The following PRKN variants were observed in gnomAD, a reference collection of about 807,000 sequenced individuals.
The protein encoded by PRKN is parkin RBR E3 ubiquitin protein ligase.
Under a neutral mutation model 59.5 loss-of-function variants are expected in PRKN, and 56 were observed. That is an observed-to-expected ratio of 0.94 (90% CI 0.76 to 1.18). PRKN has a LOEUF of 1.18. PRKN is among the 50% of genes most tolerant of loss of function. The probability of loss-of-function intolerance (pLI) is 0.00; values close to 1 mark genes in which losing one functional copy is unlikely to be tolerated. For missense variants in PRKN, 657 were observed against 596.4 expected (o/e 1.10, Z -1.06); for synonymous variants, 250 against 222.1 (o/e 1.13, Z -1.12).
chr6:162,271,076 T>A (rs6939604), intron 2 of PRKN, among the ~76,000 whole-genome samples: 6,957 of 148,000 alleles, frequency 0.047, 568 homozygotes, highest in African/African-American at 0.16. Flanking sequence ...CAGGCTGGTC[T>A]CAAATTCTCA....
In PRKN at chr6:162,556,344, TGTGTGTGTGTGTGTGTGTGTGTGTG is replaced by T. The variant is rs1779575119; in HGVS notation, c.8-112896_8-112872del. Among the ~76,000 whole-genome samples, 52 of 87,386 alleles carry T rather than the reference TGTGTGTGTGTGTGTGTGTGTGTGTG, an allele frequency of 6.0e-4. 1 individual carries two copies. The highest frequency in any genetic ancestry group is 1.8e-3 in the South Asian group (5 of 2,854). The allele number at this position is 87,386 out of a possible 152,430, so 57.3% of individuals were successfully genotyped here. A position where few individuals can be genotyped will look rare whatever the true frequency, so the allele number is the denominator to read the frequency against. The stretch of plus-strand genomic sequence containing the variant: ...AACCAAGCAGTAACTACTCAGCTGG[TGTGTGTGTGTGTGTGTGTGTGTGTG>T]TGTGTGTGTGTGTGTGTGTGTGTGT... On this transcript the variant is annotated intron_variant, in intron 1 of 11. Transcript: ENST00000366898.
At chr6:162,016,976 C>T (rs55708256) in intron 5 of PRKN, among the ~76,000 whole-genome samples, 3,898 of 152,236 alleles carry the variant, frequency 0.026, 174 homozygotes, top group African/African-American at 0.09. Context: ...TCCACTCAGT[C>T]AACTGTGTGT....
At chr6:162,689,839 C>G (rs1777704790) in intron 1 of PRKN, among the ~76,000 whole-genome samples, 1 of 152,168 alleles carries the variant, frequency 6.6e-6, no homozygotes, top group Non-Finnish European at 1.5e-5. Flanking sequence ...GAGTCTGCAG[C>G]CTGTGACTGC....
intron 2 of PRKN, among the ~76,000 whole-genome samples, chr6:162,364,376 G>A (rs768280785): frequency 1.2e-4 from 18 of 151,966 alleles, no homozygotes; most frequent in Admixed American, 3.9e-4. Context: ...GGAGACTTGC[G>A]CCTTCCAATT....
rs190361360 is a variant in PRKN, at chr6:161,908,368, C to T, written c.734+64934G>A. 1.1e-3 allele frequency among the ~76,000 whole-genome samples: 173 copies of T among 152,232 alleles called. 1 individual carries two copies. The highest frequency in any genetic ancestry group is 3.9e-3 in the African/African-American group (164 of 41,556). On this transcript the variant is annotated intron_variant, in intron 6 of 11. Transcript: ENST00000366898. ...TCACAGCAAATTCAACTGTATGTTC[C>T]TTCTCCTCTCCTGCCAGATTGCCAG...
chr6:162,075,794 C>T lies in PRKN; in HGVS notation c.535-21620G>A, dbSNP rs560804677. ...AGGCCCCCCAGTGAAACATTAAACA[C>T]GTATGTAACGAGCAGGCTTCCAATC... On this transcript the variant is annotated intron_variant, in intron 4 of 11. Transcript: ENST00000366898. Among the ~76,000 whole-genome samples, 37 of 152,106 alleles carry T rather than the reference C, an allele frequency of 2.4e-4. 2 individuals are homozygous for T. Among genetic ancestry groups the T allele is most frequent in the African/African-American group, 8.4e-4 (35 of 41,424 alleles).
intron 7 of PRKN, among the ~76,000 whole-genome samples, chr6:161,688,924 G>T (rs1457420457): frequency 6.6e-6 from 1 of 152,162 alleles, no homozygotes; most frequent in Non-Finnish European, 1.5e-5. Context: ...TCCGAGAAAT[G>T]ATTGCCAATT....
chr6:162,440,327 TA>T (rs1252480958), intron 2 of PRKN, among the ~76,000 whole-genome samples: 2 of 152,144 alleles, frequency 1.3e-5, no homozygotes, highest in Admixed American at 1.3e-4. Context: ...CTTTGCCAGT[TA>T]AATAGACAAA....
rs188974315 is a variant in PRKN, at chr6:162,106,037, A to C, written c.535-51863T>G. 1.5e-3 allele frequency among the ~76,000 whole-genome samples: 234 copies of C among 152,328 alleles called. 2 individuals carry two copies. The highest frequency in any genetic ancestry group is 2.4e-3 in the Non-Finnish European group (160 of 68,034). On this transcript the variant is annotated intron_variant, in intron 4 of 11. Transcript: ENST00000366898. ...ACTACATCTGACAGAATTTAGGAGG[A>C]GACAAAAAAGTGGTGAAAAATGTGG...
intron 5 of PRKN, among the ~76,000 whole-genome samples, chr6:162,045,346 T>A (rs1423454376): frequency 2.0e-5 from 3 of 152,232 alleles, no homozygotes; most frequent in Non-Finnish European, 4.4e-5. Context: ...TTGCGTAAGA[T>A]GATCACCACT....
intron 9 of PRKN, among the ~76,000 whole-genome samples, chr6:161,519,060 A>G (rs1295152034): frequency 6.6e-6 from 1 of 152,204 alleles, no homozygotes; most frequent in Non-Finnish European, 1.5e-5. Flanking sequence ...ACACCCAGAG[A>G]CAATAAGCCC....
chr6:162,253,686 A>G lies in PRKN; in HGVS notation c.412+8839T>C, dbSNP rs531358583. ...AGATTGTATTCATTTGTTAAATATG[A>G]GACACCACCAAAATTGTAATGATGC... On this transcript the variant is annotated intron_variant, in intron 3 of 11. Coordinates refer to ENST00000366898, the MANE Select transcript of PRKN (RefSeq NM_004562.3). Among the ~76,000 whole-genome samples the G allele has an allele frequency of 3.0e-3, 451 of 152,240 alleles. 2 individuals carry two copies. The highest frequency in any genetic ancestry group is 0.014 in the Middle Eastern group (4 of 292).
chr6:162,003,575 C>G (rs2128263944), intron 5 of PRKN, among the ~76,000 whole-genome samples: 1 of 152,200 alleles, frequency 6.6e-6, no homozygotes, highest in South Asian at 2.1e-4. Context: ...CTGAGTTCAA[C>G]TATGTCCTTA....
At chr6:162,673,787 G>A (rs976181176) in intron 1 of PRKN, among the ~76,000 whole-genome samples, 2 of 152,198 alleles carry the variant, frequency 1.3e-5, no homozygotes, top group South Asian at 2.1e-4. Context: ...CTGAGCTCAT[G>A]CCAACACTCA....
intron 2 of PRKN, among the ~76,000 whole-genome samples, chr6:162,347,205 T>TTGGATGCTTAGTTCACTA (rs1172993991): frequency 1.3e-5 from 2 of 151,696 alleles, no homozygotes; most frequent in Non-Finnish European, 2.9e-5. Flanking sequence ...TCTGACATCT[T>TTGGATGCTTAGTTCACTA]ATGTTGGATG....
chr6:162,143,639 T>A (rs1317650811), intron 4 of PRKN, among the ~76,000 whole-genome samples: 2 of 152,228 alleles, frequency 1.3e-5, no homozygotes, highest in African/African-American at 4.8e-5. Context: ...AAGATACATT[T>A]GAAGAAAATA....
intron 1 of PRKN, among the ~76,000 whole-genome samples, chr6:162,719,332 G>A (rs1778845840): frequency 6.6e-6 from 1 of 152,098 alleles, no homozygotes; most frequent in Non-Finnish European, 1.5e-5. Flanking sequence ...CCTCACTTGT[G>A]CTTAAATCTG....
At chr6:162,436,944 G>A (rs1789800843) in intron 2 of PRKN, among the ~76,000 whole-genome samples, 1 of 151,872 alleles carries the variant, frequency 6.6e-6, no homozygotes, top group South Asian at 2.1e-4. Context: ...ACACAAAAAT[G>A]AGCCAGGCGT....
chr6:161,957,491 G>A (rs544475770), intron 6 of PRKN, among the ~76,000 whole-genome samples: 1 of 146,998 alleles, frequency 6.8e-6, no homozygotes, highest in East Asian at 2.0e-4. Flanking sequence ...GTGGCACAAT[G>A]TTGGCTAACT....
Sources: allele counts gnomAD v4.1 joint callset (sites outside exome capture counted in the v4.1 genomes callset), GRCh38; gene constraint gnomAD v4.1.1; transcripts MANE v1.5; gene names NCBI Gene and HGNC (gene_info 2026-07-23, HGNC 2026-07-21).